CAST: variants seen among roughly 807,000 people sequenced by gnomAD.
CAST encodes the protein MIR583 host.
CAST carries 76 observed loss-of-function variants against 119.6 expected under a neutral mutation model. The observed-to-expected ratio is 0.64, with a 90% confidence interval of 0.53 to 0.77. CAST has a LOEUF of 0.77. Ranked by LOEUF, CAST falls within the 30% of genes least tolerant of loss-of-function variation. The probability of loss-of-function intolerance (pLI) is 0.00; values close to 1 mark genes in which losing one functional copy is unlikely to be tolerated. For missense variants in CAST, 953 were observed against 946.5 expected (o/e 1.01, Z -0.09); for synonymous variants, 319 against 331.6 (o/e 0.96, Z 0.41).
intron 22 of CAST, among the ~76,000 whole-genome samples, chr5:96,755,360 AAAAAT>A (rs1195942888): frequency 3.3e-5 from 5 of 152,278 alleles, no homozygotes; most frequent in South Asian, 2.1e-4. Context: ...AAAAATGAAA[AAAAAT>A]AAAATAAGGA....
the CAST span, among the ~76,000 whole-genome samples, chr5:96,262,431 T>A: frequency 6.6e-6 from 1 of 152,226 alleles, no homozygotes; most frequent in African/African-American, 2.4e-5. Flanking sequence ...AATCAGGCTT[T>A]CATGCCCTTA....
chr5:96,035,834 C>T, the CAST span, among the ~76,000 whole-genome samples: 1 of 151,490 alleles, frequency 6.6e-6, no homozygotes, highest in African/African-American at 2.4e-5. Context: ...CAATTCATTC[C>T]GTGTAACTAG....
the CAST span, among the ~76,000 whole-genome samples, chr5:96,079,948 GAAA>G: frequency 4.6e-5 from 7 of 152,058 alleles, no homozygotes; most frequent in African/African-American, 1.4e-4. Context: ...CCCACTGCCT[GAAA>G]AGCCTTATAT....
At chr5:96,651,723 A>C (rs748768034) in intron 1 of CAST, among the ~76,000 whole-genome samples, 9 of 151,812 alleles carry the variant, frequency 5.9e-5, no homozygotes, top group Admixed American at 4.6e-4. Flanking sequence ...TCCCCAGCAG[A>C]CTCTCAGGCT....
At chr5:96,492,106 TTTTA>T in the CAST span, among the ~76,000 whole-genome samples, 2 of 152,270 alleles carry the variant, frequency 1.3e-5, no homozygotes, top group South Asian at 4.1e-4. Flanking sequence ...GAGCTATACA[TTTTA>T]TTTGTGTATT....
the CAST span, among the ~76,000 whole-genome samples, chr5:96,230,931 CACA>C: frequency 6.6e-6 from 1 of 151,966 alleles, no homozygotes. Context: ...AAATCAAAAC[CACA>C]ACGAGATACT....
chr5:96,083,150 T>A, the CAST span, among the ~76,000 whole-genome samples: 1 of 152,198 alleles, frequency 6.6e-6, no homozygotes, highest in Non-Finnish European at 1.5e-5. Flanking sequence ...ATATGCAAAT[T>A]ATTGCTTTAT....
chr5:96,490,727 G>A, the CAST span, among the ~76,000 whole-genome samples: 2 of 151,828 alleles, frequency 1.3e-5, no homozygotes, highest in African/African-American at 4.8e-5. Flanking sequence ...CCTCCTACCT[G>A]ATACTACTAA....
the CAST span, among the ~76,000 whole-genome samples, chr5:96,314,757 C>G: frequency 1.3e-5 from 2 of 152,162 alleles, no homozygotes; most frequent in Non-Finnish European, 1.5e-5. Flanking sequence ...CTGTGATAAC[C>G]TGTTCACATT....
chr5:96,407,916 T>C, the CAST span, among the ~76,000 whole-genome samples: 2 of 152,032 alleles, frequency 1.3e-5, no homozygotes, highest in African/African-American at 4.8e-5. Context: ...ATAGCATGAG[T>C]TTTAAAGGTC....
the CAST span, among the ~76,000 whole-genome samples, chr5:96,033,507 A>T: frequency 5.3e-5 from 8 of 152,116 alleles, no homozygotes; most frequent in Non-Finnish European, 7.4e-5. Context: ...ACATATACAG[A>T]CAATGATTTC....
the CAST span, among the ~76,000 whole-genome samples, chr5:96,358,624 C>A: frequency 2.0e-5 from 3 of 152,154 alleles, no homozygotes; most frequent in Non-Finnish European, 4.4e-5. Context: ...GTTCAGTTTC[C>A]ATGTAGTCGT....
At chr5:96,215,066 AAGAAAC>A in the CAST span, 1 of 152,166 alleles carries the variant, frequency 6.6e-6, no homozygotes, top group African/African-American at 2.4e-5. Context: ...TGCAGAGAAG[AAGAAAC>A]CACAAGCAGA....
the CAST span, among the ~76,000 whole-genome samples, chr5:96,486,104 T>G: frequency 3.3e-5 from 5 of 152,072 alleles, no homozygotes. Context: ...TCAGGACAGC[T>G]ATATAAAAAC....
chr5:96,311,273 C>T, the CAST span, among the ~76,000 whole-genome samples: 38,595 of 151,830 alleles, frequency 0.25, 5,633 homozygotes, highest in Admixed American at 0.38. Context: ...TCTTTTATTG[C>T]GATCAGAAAG....
At chr5:96,099,330 T>C in the CAST span, among the ~76,000 whole-genome samples, 1 of 152,206 alleles carries the variant, frequency 6.6e-6, no homozygotes, top group Non-Finnish European at 1.5e-5. Context: ...TTCTCTTGCC[T>C]GACTCCTCTG....
the CAST span, among the ~76,000 whole-genome samples, chr5:96,008,565 TG>T: frequency 6.6e-6 from 1 of 152,176 alleles, no homozygotes; most frequent in African/African-American, 2.4e-5. Context: ...TTAATCTATG[TG>T]GTTGAAGGGA....
Position 96,662,503 on chromosome 5 carries a change from T to C in CAST, c.75+6T>C. The stretch of plus-strand genomic sequence containing the variant: ...CCGCCCGCCGCACCCATGAGGTGAG[T>C]GGCGCTCCTGTCGGCGTCGCGGGGC... On this transcript the variant is annotated splice_donor_region_variant and intron_variant, in intron 1 of 31. Transcript: ENST00000675179. 1 of 1,385,194 alleles carries C rather than the reference T, an allele frequency of 7.2e-7. No individual in the cohort carries two copies. The highest frequency in any genetic ancestry group is 9.3e-7 in the Non-Finnish European group (1 of 1,076,728). The allele number at this position is 1,385,194 out of a possible 1,614,324, so 85.8% of individuals were successfully genotyped here.
chr5:96,422,100 C>T, the CAST span: 101 of 661,018 alleles, frequency 1.5e-4, no homozygotes, highest in Middle Eastern at 8.2e-4. Context: ...AGTTTCTGGC[C>T]GAGTCACTGA....
Sources: allele counts gnomAD v4.1 joint callset (sites outside exome capture counted in the v4.1 genomes callset), GRCh38; gene constraint gnomAD v4.1.1; transcripts MANE v1.5; gene names NCBI Gene and HGNC (gene_info 2026-07-23, HGNC 2026-07-21).